LRRC37A2: variants seen among roughly 807,000 people sequenced by gnomAD.
LRRC37A2 encodes leucine-rich repeat-containing protein 37A2.
Under a neutral mutation model 68.8 loss-of-function variants are expected in LRRC37A2, and 9 were observed. The ratio of observed to expected loss-of-function variants is 0.13; its 90% confidence interval spans 0.08 to 0.23. LRRC37A2 has a LOEUF of 0.23. LRRC37A2 is among the 10% of genes least tolerant of loss of function. LRRC37A2 has a pLI of 1.00. For synonymous variants in LRRC37A2, 63 were observed against 367.6 expected, an observed-to-expected ratio of 0.17 and a Z score of 9.48; for missense variants, 168 against 950.4, an observed-to-expected ratio of 0.18 and a Z score of 10.82.
the LRRC37A2 span, among the ~76,000 whole-genome samples, chr17:47,014,402 A>G: frequency 0.074 from 10,086 of 136,358 alleles, 468 homozygotes; most frequent in Middle Eastern, 0.12. Context: ...GAAAAAAAAA[A>G]AAAAAAGAAA....
chr17:46,939,934 C>G, the LRRC37A2 span: 2 of 1,001,616 alleles, frequency 2.0e-6, no homozygotes, highest in Non-Finnish European at 2.4e-6. Context: ...TACCACAGGC[C>G]TACCAGCCCT....
At chr17:46,588,651 T>C in the LRRC37A2 span, among the ~76,000 whole-genome samples, 1 of 100,754 alleles carries the variant, frequency 9.9e-6, no homozygotes, top group Non-Finnish European at 1.9e-5. Context: ...GGTAATTATT[T>C]GGACAAAATC....
chr17:46,837,171 G>T, the LRRC37A2 span, among the ~76,000 whole-genome samples: 89 of 152,252 alleles, frequency 5.8e-4, no homozygotes, highest in Non-Finnish European at 9.7e-4. Flanking sequence ...TTGATCTCTT[G>T]ACCTCGTGAT....
the LRRC37A2 span, among the ~76,000 whole-genome samples, chr17:46,979,634 C>T: frequency 1.3e-5 from 2 of 152,302 alleles, no homozygotes; most frequent in South Asian, 4.1e-4. Flanking sequence ...GCGCTGCCCA[C>T]TCCACTGGCC....
chr17:46,776,790 T>C, the LRRC37A2 span, among the ~76,000 whole-genome samples: 1 of 152,014 alleles, frequency 6.6e-6, no homozygotes, highest in African/African-American at 2.4e-5. Flanking sequence ...CCTCTGGTGT[T>C]TGGGACCCAG....
At chr17:46,737,018 T>C in the LRRC37A2 span, among the ~76,000 whole-genome samples, 2 of 152,222 alleles carry the variant, frequency 1.3e-5, no homozygotes, top group African/African-American at 2.4e-5. Flanking sequence ...GAAGTTTCTT[T>C]TTCACCAAAA....
At chr17:46,965,802 T>G in the LRRC37A2 span, among the ~76,000 whole-genome samples, 1 of 151,824 alleles carries the variant, frequency 6.6e-6, no homozygotes, top group South Asian at 2.1e-4. Flanking sequence ...TTTGTATTTT[T>G]TTTTTTTTTG....
intron 6 of LRRC37A2, among the ~76,000 whole-genome samples, chr17:46,532,344 C>T (rs1254618851): frequency 6.6e-6 from 1 of 150,442 alleles, no homozygotes; most frequent in Non-Finnish European, 1.5e-5. Flanking sequence ...AGCATTTTTC[C>T]ATCTACATTC....
At chr17:46,836,787 G>A in the LRRC37A2 span, among the ~76,000 whole-genome samples, 1 of 152,188 alleles carries the variant, frequency 6.6e-6, no homozygotes, top group African/African-American at 2.4e-5. Flanking sequence ...CCTGTGTCCT[G>A]TTGACACACA....
chr17:46,856,789 A>C, the LRRC37A2 span, among the ~76,000 whole-genome samples: 1 of 152,194 alleles, frequency 6.6e-6, no homozygotes, highest in Non-Finnish European at 1.5e-5. Context: ...CAGCCAATGC[A>C]TGCATTTTAA....
At chr17:46,710,368 T>C in the LRRC37A2 span, among the ~76,000 whole-genome samples, 2 of 152,200 alleles carry the variant, frequency 1.3e-5, no homozygotes, top group African/African-American at 4.8e-5. Context: ...CAAATAGAAT[T>C]ATTATCTGAA....
chr17:46,910,564 T>G, the LRRC37A2 span, among the ~76,000 whole-genome samples: 7 of 152,198 alleles, frequency 4.6e-5, no homozygotes, highest in Non-Finnish European at 7.4e-5. Context: ...GAAAGACATA[T>G]GCACCTCTTT....
chr17:46,837,150 C>G, the LRRC37A2 span, among the ~76,000 whole-genome samples: 1 of 152,166 alleles, frequency 6.6e-6, no homozygotes, highest in Non-Finnish European at 1.5e-5. Flanking sequence ...ACCATGTTGG[C>G]CAGGCTGGTC....
At chr17:47,016,317 T>A in the LRRC37A2 span, among the ~76,000 whole-genome samples, 69,887 of 150,186 alleles carry the variant, frequency 0.47, 17,045 homozygotes, top group Non-Finnish European at 0.52. Flanking sequence ...AAGCACCTTC[T>A]TGGAGTTTAC....
At chr17:46,953,509 C>T in the LRRC37A2 span, among the ~76,000 whole-genome samples, 912 of 152,190 alleles carry the variant, frequency 6.0e-3, 4 homozygotes, top group African/African-American at 0.021. Flanking sequence ...AATAAACATA[C>T]GTGTGCATGT....
chr17:46,605,379 T>C, the LRRC37A2 span, among the ~76,000 whole-genome samples: 170 of 114,182 alleles, frequency 1.5e-3, 1 homozygote, highest in African/African-American at 5.3e-3. Flanking sequence ...ACCTGGGAGG[T>C]GGAGGTTGCA....
chr17:46,857,605 C>G, the LRRC37A2 span, among the ~76,000 whole-genome samples: 28,453 of 151,734 alleles, frequency 0.19, 3,363 homozygotes, highest in East Asian at 0.51. Flanking sequence ...GGATAACTGT[C>G]TAGGAGTGGA....
chr17:46,763,632 C>G, the LRRC37A2 span: 6 of 152,004 alleles, frequency 3.9e-5, no homozygotes, highest in Non-Finnish European at 8.8e-5. Flanking sequence ...CCTCACGGAC[C>G]CTTTGTCTAA....
chr17:46,704,909 C>G, the LRRC37A2 span: 1 of 1,554,206 alleles, frequency 6.4e-7, no homozygotes, highest in African/African-American at 1.4e-5. Context: ...AATAATAACT[C>G]AGGCGAAAAG....
Sources: gnomAD v4.1 joint callset for allele counts (sites outside exome capture counted in the v4.1 genomes callset) on GRCh38, gnomAD v4.1.1 for gene constraint, MANE v1.5 for transcripts, NCBI Gene and HGNC (gene_info 2026-07-23, HGNC 2026-07-21) for gene names.